Variants in RLF observed in about 807,000 individuals in gnomAD.
RLF encodes zinc finger protein Rlf.
RLF carries 7 observed loss-of-function variants against 162.9 expected under a neutral mutation model. The ratio of observed to expected loss-of-function variants is 0.04; its 90% CI spans 0.02 to 0.08. The LOEUF is 0.08. RLF is among the 10% of genes least tolerant of loss of function. RLF has a pLI of 1.00. For missense variants in RLF, 1,664 were observed against 2,244.7 expected, an observed-to-expected ratio of 0.74 and a Z score of 5.23; for synonymous variants, 782 against 791.5, an observed-to-expected ratio of 0.99 and a Z score of 0.20.
intron 1 of RLF, among the ~76,000 whole-genome samples, chr1:40,179,884 A>G (rs879326503): frequency 9.2e-5 from 14 of 152,324 alleles, no homozygotes; most frequent in African/African-American, 2.4e-4. Context: ...TTCACTTAAT[A>G]TAGTGTCCTC....
intron 5 of RLF, among the ~76,000 whole-genome samples, chr1:40,217,118 T>C: frequency 6.6e-6 from 1 of 152,200 alleles, no homozygotes; most frequent in East Asian, 1.9e-4. Context: ...TCTTTGCCTC[T>C]ATATTCTCCT....
chr1:40,239,253 A>T lies in RLF; in HGVS notation c.4551A>T (p.Lys1517Asn). The change falls in exon 8 of 8, where the codon AAA (lysine) becomes AAT (asparagine). Residue 1517 changes from lysine to asparagine, a missense_variant. Physicochemically the swap from Lys to Asn is moderately conservative, Grantham distance 94. This residue lies in a region of RLF where 200 missense variants were observed against 207.3 expected (regional missense o/e 0.96). Transcript: ENST00000372771. ...GATCATTTAATGCTAAGTCTAAAAA[A>T]TGTGGCTTAATCAAAGAAAAGAAAG... The part of the protein sequence containing the change: ...TRRSFNAKSK[K>N]CGLIKEKKAP... 1.2e-6 allele frequency: 2 copies of T among 1,614,174 alleles called. No individual in the cohort carries two copies. The highest frequency in any genetic ancestry group is 1.1e-5 in the South Asian group (1 of 91,084).
At chr1:40,188,946 A>G (rs1013815057) in intron 1 of RLF, 109 bp from the exon 2 acceptor site, 3 of 615,408 alleles carry the variant, frequency 4.9e-6, no homozygotes, top group Non-Finnish European at 8.1e-6. Context: ...AATAAAAGGT[A>G]TATGCATCTG....
chr1:40,231,409 G>T, intron 6 of RLF, 108 bp from the exon 7 acceptor site: 1 of 890,276 alleles, frequency 1.1e-6, no homozygotes, highest in Admixed American at 2.5e-5. Context: ...TCTAGTTTTT[G>T]TTTTCTCTAC....
intron 1 of RLF, among the ~76,000 whole-genome samples, chr1:40,162,796 C>T (rs1201324372): frequency 1.3e-5 from 2 of 152,198 alleles, no homozygotes; most frequent in Non-Finnish European, 2.9e-5. Context: ...TGTGTACAAC[C>T]TGCAACATTG....
intron 1 of RLF, among the ~76,000 whole-genome samples, chr1:40,165,781 TC>T (rs979966433): frequency 1.3e-4 from 19 of 151,046 alleles, no homozygotes; most frequent in African/African-American, 2.7e-4. Context: ...CCTCAATTCC[TC>T]CCCCCCCTCC....
chr1:40,229,448 C>CTTTTTTT (rs1005418216), intron 6 of RLF, among the ~76,000 whole-genome samples: 441 of 90,932 alleles, frequency 4.8e-3, no homozygotes, highest in East Asian at 9.0e-3. Context: ...ATTCATTTAT[C>CTTTTTTT]TTTTTTTTTT....
chr1:40,168,328 T>C (rs960746788), intron 1 of RLF, among the ~76,000 whole-genome samples: 13 of 152,162 alleles, frequency 8.5e-5, no homozygotes, highest in African/African-American at 2.7e-4. Context: ...CCACTGCAAC[T>C]TCCGCCTCCT....
chr1:40,198,216 T>G (rs1053597749), intron 4 of RLF, among the ~76,000 whole-genome samples: 1 of 151,466 alleles, frequency 6.6e-6, no homozygotes, highest in Non-Finnish European at 1.5e-5. Flanking sequence ...TTGGTCAGGC[T>G]GGTCTCGAAC....
intron 1 of RLF, 115 bp from the exon 2 acceptor site, chr1:40,188,940 A>T (rs1293701295): frequency 1.8e-6 from 1 of 562,586 alleles, no homozygotes; most frequent in Non-Finnish European, 3.0e-6. Context: ...AAGGCAAATA[A>T]AAGGTATATG....
In RLF at chr1:40,239,307, G is replaced by A. The variant is rs760768707; in HGVS notation, c.4605G>A (p.Glu1535=). Reference sequence around the variant, plus strand: ...CAATAAGTTTTAAAACCAGAGCTGAGGCCCTCCATATGTGTGTGGAGCACT... The same window carrying A: ...CAATAAGTTTTAAAACCAGAGCTGAAGCCCTCCATATGTGTGTGGAGCACT... ...KAPISFKTRA[E]ALHMCVEHSE... is the part of the protein sequence containing the mutation. The change falls in exon 8 of 8, where the codon GAG becomes GAA. Residue 1535 remains glutamate, a synonymous_variant. Transcript: ENST00000372771. The A allele has an allele frequency of 6.2e-7, 1 of 1,613,972 alleles. No homozygotes were observed. The highest frequency in any genetic ancestry group is 2.2e-5 in the East Asian group (1 of 44,880).
At chr1:40,225,866 G>A (rs1222284999) in intron 6 of RLF, among the ~76,000 whole-genome samples, 1 of 124,634 alleles carries the variant, frequency 8.0e-6, no homozygotes. Flanking sequence ...GTGACAGAGC[G>A]AGACTCCGTC....
chr1:40,238,431 C>T lies in RLF; in HGVS notation c.3729C>T (p.His1243=). 6.2e-7 allele frequency: 1 copy of T among 1,614,090 alleles called. No homozygotes were observed. The highest frequency in any genetic ancestry group is 1.1e-5 in the South Asian group (1 of 91,074). The change falls in exon 8 of 8, where the codon CAC becomes CAT. Residue 1243 remains histidine, a synonymous_variant. Transcript: ENST00000372771. The surrounding 1 kb of genome is among the most constrained non-coding windows in gnomAD (Gnocchi z 5.2). ...CCAGTAGTAACTCTGAGAAACCACACTGTCATCCTAAAAAGGATGAATGTA... is the reference window on the plus strand; with the variant it reads ...CCAGTAGTAACTCTGAGAAACCACATTGTCATCCTAAAAAGGATGAATGTA... The part of the protein sequence containing the change: ...GDPSSNSEKP[H]CHPKKDECSS...
intron 1 of RLF, among the ~76,000 whole-genome samples, chr1:40,186,713 C>T (rs535960280): frequency 2.0e-5 from 3 of 152,226 alleles, no homozygotes; most frequent in East Asian, 3.9e-4. Context: ...CATGTCTGCC[C>T]GCCCCCACTG....
intron 4 of RLF, among the ~76,000 whole-genome samples, chr1:40,197,429 A>G (rs748022709): frequency 6.6e-6 from 1 of 152,196 alleles, no homozygotes; most frequent in Non-Finnish European, 1.5e-5. Flanking sequence ...CTATCCAGAT[A>G]AGTCTTGACT....
intron 6 of RLF, among the ~76,000 whole-genome samples, chr1:40,226,704 T>A (rs1274622803): frequency 6.6e-6 from 1 of 152,154 alleles, no homozygotes; most frequent in Non-Finnish European, 1.5e-5. Flanking sequence ...TGTAATAGCC[T>A]TTTTTAGGGG....
In RLF at chr1:40,236,487, A is replaced by G; in HGVS notation, c.1785A>G (p.Glu595=). Residue 595 remains glutamate, a synonymous_variant, in exon 8 of 8, where the codon GAA becomes GAG. Transcript: ENST00000372771. The surrounding 1 kb of genome is among the most constrained non-coding windows in gnomAD (Gnocchi z 7.7). ...GTATTAAAAAATTTAAGAGAAAAGA[A>G]ATGTTTGTTCCTCATGTGATGGAGC... The part of the protein sequence containing the change: ...PVCIKKFKRK[E]MFVPHVMEHV... 6.2e-7 allele frequency: 1 copy of G among 1,613,736 alleles called. No individual in the cohort carries two copies. Among genetic ancestry groups the G allele is most frequent in the Non-Finnish European group, 8.5e-7 (1 of 1,179,910 alleles).
chr1:40,225,452 G>A (rs1489499292), intron 6 of RLF, among the ~76,000 whole-genome samples: 1 of 151,848 alleles, frequency 6.6e-6, no homozygotes, highest in East Asian at 1.9e-4. Flanking sequence ...GGTGGCGTGT[G>A]CCTGTAATCC....
Position 40,187,151 on chromosome 1 carries a change from C to G in RLF, c.238-1904C>G, listed in dbSNP as rs561426785. On this transcript the variant is annotated intron_variant, in intron 1 of 7. Coordinates refer to ENST00000372771, the MANE Select transcript of RLF (RefSeq NM_012421.4). ...GGTTCAAGCGATTTTCCTGCCTCAG[C>G]CTCCTGAGCAGCTGGGACTACAAGC... is the stretch of plus-strand genomic sequence containing the variant. Among the ~76,000 whole-genome samples the G allele has an allele frequency of 1.6e-3, 236 of 152,146 alleles. 1 individual carries two copies. Among genetic ancestry groups the G allele is most frequent in the African/African-American group, 5.3e-3 (219 of 41,496 alleles).
Sources: gnomAD v4.1 joint callset for allele counts (sites outside exome capture counted in the v4.1 genomes callset) on GRCh38, gnomAD v4.1.1 for gene constraint, gnomAD v4.1.1 regional missense constraint, Gnocchi (gnomAD v3.1) non-coding constraint, MANE v1.5 for transcripts, NCBI Gene and HGNC (gene_info 2026-07-23, HGNC 2026-07-21) for gene names.